Variants in NDST4 observed in about 807,000 individuals in gnomAD.
The protein encoded by NDST4 is N-heparan sulfate sulfotransferase 4.
In NDST4, 63 loss-of-function variants were observed where a neutral mutation model predicts 100.8. The ratio of observed to expected loss-of-function variants is 0.62; its 90% CI spans 0.51 to 0.77. NDST4 has a LOEUF of 0.77. Among genes scored for constraint, NDST4 ranks in the 30% least tolerant of loss-of-function variants. The pLI, the probability that NDST4 is intolerant of heterozygous loss-of-function variation, is 0.00. For missense variants in NDST4, 943 were observed against 1,018.4 expected (o/e 0.93, Z 1.01); for synonymous variants, 377 against 361.8 (o/e 1.04, Z -0.48).
chr4:114,883,145 C>T (rs1025963763), intron 6 of NDST4, among the ~76,000 whole-genome samples: 1 of 151,528 alleles, frequency 6.6e-6, no homozygotes, highest in South Asian at 2.1e-4. Flanking sequence ...AAACTTAAAT[C>T]AACATAAAGA....
Position 114,839,535 on chromosome 4 carries a change from T to C in NDST4, c.2129A>G (p.His710Arg), listed in dbSNP as rs1723382729. The stretch of plus-strand genomic sequence containing the variant: ...GAACCTCAGAGCAGCTGGATCTTCA[T>C]GTGATCGTTGGTGCTTTAACAAGAA... ...AYSWYQHQRS[H>R]EDPAALRFNF... is the part of the protein sequence containing the mutation. Residue 710 changes from histidine to arginine, a missense_variant, in exon 11 of 14, where the codon CAT becomes CGT. By Grantham distance (29) the His-to-Arg change is conservative. Around this residue, in one of 2 missense-constraint regions of NDST4, gnomAD observed 526 missense variants for 634.1 expected, o/e 0.83. Coordinates refer to ENST00000264363, the MANE Select transcript of NDST4 (RefSeq NM_022569.3). The C allele has an allele frequency of 6.2e-7, 1 of 1,613,298 alleles. No homozygotes were observed. The highest frequency in any genetic ancestry group is 1.3e-5 in the African/African-American group (1 of 74,900).
intron 4 of NDST4, among the ~76,000 whole-genome samples, chr4:114,970,222 CTA>C (rs933047453): frequency 6.0e-5 from 9 of 151,226 alleles, no homozygotes; most frequent in African/African-American, 2.2e-4. Flanking sequence ...AATATATTTT[CTA>C]TATAATTACA....
intron 5 of NDST4, 58 bp from the exon 6 acceptor site, chr4:114,935,392 G>C (rs1725607366): frequency 7.0e-7 from 1 of 1,436,714 alleles, no homozygotes; most frequent in East Asian, 2.6e-5. Flanking sequence ...AACTTCACCT[G>C]TGTCTCATAA....
At chr4:114,881,372 G>GA (rs1724363829) in intron 6 of NDST4, among the ~76,000 whole-genome samples, 1 of 152,084 alleles carries the variant, frequency 6.6e-6, no homozygotes, top group African/African-American at 2.4e-5. Flanking sequence ...AAAAAGGAAG[G>GA]ATCGAAGGTA....
chr4:115,003,383 T>G (rs1216053475), intron 2 of NDST4, among the ~76,000 whole-genome samples: 1 of 152,148 alleles, frequency 6.6e-6, no homozygotes, highest in East Asian at 1.9e-4. Context: ...AAGAAATGCA[T>G]GGAAATCAAA....
intron 1 of NDST4, among the ~76,000 whole-genome samples, chr4:115,091,058 TCTG>T (rs1237667172): frequency 6.6e-6 from 1 of 152,114 alleles, no homozygotes; most frequent in Non-Finnish European, 1.5e-5. Flanking sequence ...TGTTTAATAT[TCTG>T]CTAATTTTTG....
intron 2 of NDST4, among the ~76,000 whole-genome samples, chr4:115,033,117 T>TTATATATATATGTGTATATATATA (rs1728148899): frequency 3.7e-5 from 5 of 134,378 alleles, no homozygotes; most frequent in Admixed American, 8.2e-5. Context: ...AATGCAAAAA[T>TTATATATATATGTGTATATATATA]TATATATATA....
intron 4 of NDST4, among the ~76,000 whole-genome samples, chr4:114,952,874 A>G (rs1256253966): frequency 1.3e-5 from 2 of 152,114 alleles, no homozygotes; most frequent in African/African-American, 2.4e-5. Flanking sequence ...TTATGCAATA[A>G]GATCTCAATA....
chr4:115,005,787 A>C (rs1402036287), intron 2 of NDST4, among the ~76,000 whole-genome samples: 1 of 151,990 alleles, frequency 6.6e-6, no homozygotes, highest in Non-Finnish European at 1.5e-5. Context: ...AAACAGAAAC[A>C]GGTATATGGC....
chr4:114,890,880 A>C (rs1252537641), intron 6 of NDST4, among the ~76,000 whole-genome samples: 2 of 152,020 alleles, frequency 1.3e-5, no homozygotes, highest in Non-Finnish European at 2.9e-5. Flanking sequence ...GCTAAAATTC[A>C]CTTATGCCCT....
chr4:115,062,955 C>G (rs1484304087), intron 2 of NDST4, among the ~76,000 whole-genome samples: 1 of 151,816 alleles, frequency 6.6e-6, no homozygotes, highest in East Asian at 1.9e-4. Flanking sequence ...CATCTAGATA[C>G]TAAGCAATTT....
At chr4:115,034,014 A>T (rs1431617933) in intron 2 of NDST4, among the ~76,000 whole-genome samples, 1 of 152,074 alleles carries the variant, frequency 6.6e-6, no homozygotes, top group East Asian at 1.9e-4. Flanking sequence ...TGCTGTGTTG[A>T]CATCTGGTGA....
chr4:114,912,728 G>A (rs1725088664), intron 6 of NDST4, among the ~76,000 whole-genome samples: 1 of 152,088 alleles, frequency 6.6e-6, no homozygotes, highest in Non-Finnish European at 1.5e-5. Context: ...ACAAAATAGT[G>A]TATCTGAATC....
intron 2 of NDST4, among the ~76,000 whole-genome samples, chr4:115,068,143 T>A (rs4264850): frequency 0.25 from 37,379 of 151,754 alleles, 6,183 homozygotes; most frequent in East Asian, 0.46. Context: ...CTGTTTTTTT[T>A]AAATATCTGT....
intron 1 of NDST4, among the ~76,000 whole-genome samples, chr4:115,112,781 T>C (rs901562241): frequency 6.6e-6 from 1 of 152,000 alleles, no homozygotes; most frequent in Non-Finnish European, 1.5e-5. Context: ...AGGTATACCA[T>C]AAAGCTTTCT....
At chr4:115,007,012 T>C (rs1305007888) in intron 2 of NDST4, among the ~76,000 whole-genome samples, 2 of 152,186 alleles carry the variant, frequency 1.3e-5, no homozygotes, top group Admixed American at 6.6e-5. Flanking sequence ...GCATATTTAC[T>C]CTATGTACTT....
At position 114,932,515 on chromosome 4, in the gene NDST4, G is replaced by GA. The variant is rs200693693; in HGVS notation, c.1536+2690dup. On this transcript the variant is annotated intron_variant, in intron 6 of 13. Coordinates refer to ENST00000264363, the MANE Select transcript of NDST4 (RefSeq NM_022569.3). Reference sequence around the variant, plus strand: ...AGCCAGAGAAACTGGGCAAGAGAAAGAAAAAAAAGACATCCAAATTGGAAA... The same window carrying GA: ...AGCCAGAGAAACTGGGCAAGAGAAAGAAAAAAAAAGACATCCAAATTGGAAA... Among the ~76,000 whole-genome samples the GA allele has an allele frequency of 1.9e-3, 293 of 151,178 alleles. 1 individual carries two copies. Among genetic ancestry groups the GA allele is most frequent in the African/African-American group, 6.7e-3 (277 of 41,342 alleles).
At chr4:114,894,238 A>G (rs1363961526) in intron 6 of NDST4, among the ~76,000 whole-genome samples, 1 of 152,168 alleles carries the variant, frequency 6.6e-6, no homozygotes, top group Admixed American at 6.5e-5. Context: ...CCTTCATTCC[A>G]TATGAAATTT....
At chr4:115,080,576 A>G (rs1729279915) in intron 1 of NDST4, among the ~76,000 whole-genome samples, 1 of 152,202 alleles carries the variant, frequency 6.6e-6, no homozygotes, top group Admixed American at 6.6e-5. Context: ...GGTCTGAAAT[A>G]TATAAAGCAA....
Sources: gnomAD v4.1 joint callset for allele counts (sites outside exome capture counted in the v4.1 genomes callset) on GRCh38, gnomAD v4.1.1 for gene constraint, gnomAD v4.1.1 regional missense constraint, MANE v1.5 for transcripts, NCBI Gene and HGNC (gene_info 2026-07-23, HGNC 2026-07-21) for gene names.